The following GOLGA5 variants were observed in gnomAD, a reference collection of about 807,000 sequenced individuals.
GOLGA5 encodes the protein golgin A5, also known as golgin subfamily A member 5.
Under a neutral mutation model 93.5 loss-of-function variants are expected in GOLGA5, and 50 were observed. That is an observed-to-expected ratio of 0.53 (90% CI 0.43 to 0.68). GOLGA5 has a LOEUF of 0.68. Among genes scored for constraint, GOLGA5 ranks in the 30% least tolerant of loss-of-function variants. GOLGA5 has a pLI of 0.00. For synonymous variants in GOLGA5, 312 were observed against 304.5 expected (o/e 1.02, Z -0.26); for missense variants, 760 against 856.4 (o/e 0.89, Z 1.40).
intron 8 of GOLGA5, among the ~76,000 whole-genome samples, chr14:92,822,291 C>T (rs1251012031): frequency 6.6e-6 from 1 of 152,208 alleles, no homozygotes; most frequent in African/African-American, 2.4e-5. Context: ...AGTGTGCTGC[C>T]ATATCACCTT....
intron 2 of GOLGA5, among the ~76,000 whole-genome samples, chr14:92,803,186 C>G (rs984429442): frequency 5.3e-5 from 8 of 152,066 alleles, no homozygotes; most frequent in Non-Finnish European, 1.5e-5. Context: ...CAGGCACACA[C>G]CGCCATGCGT....
chr14:92,800,008 G>A (rs1482903321), intron 2 of GOLGA5, among the ~76,000 whole-genome samples: 1 of 152,170 alleles, frequency 6.6e-6, no homozygotes, highest in South Asian at 2.1e-4. Flanking sequence ...AATCTTTCTT[G>A]TATTTTCAAG....
chr14:92,821,228 T>C (rs1014320147), intron 8 of GOLGA5, among the ~76,000 whole-genome samples: 2 of 152,344 alleles, frequency 1.3e-5, no homozygotes, highest in East Asian at 3.9e-4. Flanking sequence ...CAGCAGTAAA[T>C]ATTATTTAAT....
chr14:92,797,181 A>G (rs1884752929), intron 1 of GOLGA5, among the ~76,000 whole-genome samples: 1 of 152,120 alleles, frequency 6.6e-6, no homozygotes, highest in Admixed American at 6.5e-5. Context: ...AGTGTTTTTT[A>G]TATATTATTT....
chr14:92,809,354 G>A lies in GOLGA5; in HGVS notation c.827G>A (p.Ser276Asn). Residue 276 changes from serine to asparagine, a missense_variant, in exon 4 of 13, where the codon AGT becomes AAT. Physicochemically the swap from Ser to Asn is conservative, Grantham distance 46 (BLOSUM62 1). Transcript: ENST00000163416. Reference protein sequence around the residue: ...VEKWNADHSKSDRMTRGLRAQ... With the variant: ...VEKWNADHSKNDRMTRGLRAQ... ...AAGTGGAATGCTGACCATTCAAAGA[G>A]TGATCGAATGACTCGAGGACTCCGA... The A allele has an allele frequency of 3.1e-6, 5 of 1,613,546 alleles. No homozygotes were observed. The highest frequency in any genetic ancestry group is 3.4e-6 in the Non-Finnish European group (4 of 1,179,486).
intron 9 of GOLGA5, among the ~76,000 whole-genome samples, chr14:92,830,787 G>A (rs1885515331): frequency 6.6e-6 from 1 of 152,050 alleles, no homozygotes; most frequent in Admixed American, 6.5e-5. Context: ...TTTTGTAGAG[G>A]TGGGGTCTTA....
chr14:92,809,656 T>A, intron 4 of GOLGA5, 137 bp downstream of exon 4: 1 of 650,270 alleles, frequency 1.5e-6, no homozygotes, highest in Non-Finnish European at 2.7e-6. Context: ...ATGTGTATGA[T>A]TAAAATGGAT....
chr14:92,835,298 C>T (rs139131540), intron 10 of GOLGA5, among the ~76,000 whole-genome samples: 18 of 152,272 alleles, frequency 1.2e-4, no homozygotes, highest in African/African-American at 2.4e-4. Context: ...CTCTTGTCAA[C>T]GCTTAGTATT....
At chr14:92,802,976 G>A (rs1884906738) in intron 2 of GOLGA5, among the ~76,000 whole-genome samples, 3 of 151,970 alleles carry the variant, frequency 2.0e-5, no homozygotes, top group South Asian at 4.2e-4. Context: ...TTAACTTTCA[G>A]TTTGCTAATA....
intron 2 of GOLGA5, among the ~76,000 whole-genome samples, chr14:92,806,524 G>C (rs1464476470): frequency 1.3e-5 from 2 of 152,042 alleles, no homozygotes; most frequent in African/African-American, 2.4e-5. Context: ...TGTTGGTCAG[G>C]CTGGTCTCAA....
chr14:92,805,932 A>G (rs1045453792), intron 2 of GOLGA5, among the ~76,000 whole-genome samples: 1 of 149,590 alleles, frequency 6.7e-6, no homozygotes. Flanking sequence ...ATCTGAATTC[A>G]TGTGTCTCTA....
chr14:92,821,420 CAG>C (rs1885315415), intron 8 of GOLGA5, among the ~76,000 whole-genome samples: 1 of 152,132 alleles, frequency 6.6e-6, no homozygotes, highest in Non-Finnish European at 1.5e-5. Context: ...TCAGTATTAA[CAG>C]AGTTAAACAT....
At chr14:92,825,859 AAAAAAAAG>A (rs1252729909) in intron 9 of GOLGA5, among the ~76,000 whole-genome samples, 3 of 150,902 alleles carry the variant, frequency 2.0e-5, no homozygotes, top group African/African-American at 7.3e-5. Context: ...CTGTCTCAAA[AAAAAAAAG>A]AAAAAACAAC....
At chr14:92,839,310 C>T in intron 12 of GOLGA5, 56 bp from the exon 13 acceptor site, 1 of 1,082,980 alleles carries the variant, frequency 9.2e-7, no homozygotes, top group Non-Finnish European at 1.4e-6. Flanking sequence ...GTACAGTGGG[C>T]CTTTGGTAAA....
intron 6 of GOLGA5, among the ~76,000 whole-genome samples, chr14:92,815,204 T>C (rs200925680): frequency 6.6e-6 from 1 of 152,232 alleles, no homozygotes; most frequent in Non-Finnish European, 1.5e-5. Flanking sequence ...TTACAGACTT[T>C]GTGTGCTTTT....
At chr14:92,820,893 A>C (rs912706048) in intron 8 of GOLGA5, among the ~76,000 whole-genome samples, 19 of 152,340 alleles carry the variant, frequency 1.2e-4, no homozygotes, top group African/African-American at 4.6e-4. Flanking sequence ...GCAATTGTTC[A>C]GGGTACAGGT....
At chr14:92,826,141 G>T (rs1275649998) in intron 9 of GOLGA5, among the ~76,000 whole-genome samples, 1 of 152,214 alleles carries the variant, frequency 6.6e-6, no homozygotes, top group Non-Finnish European at 1.5e-5. Context: ...GCAACAGAGA[G>T]AGACTTTGTT....
rs143307901 is a variant in GOLGA5 at position 92,809,214 on chromosome 14, A to G, written c.773-86A>G. 4.2e-4 allele frequency: 351 copies of G among 836,908 alleles called. 1 individual carries two copies. In the African/African-American group the frequency reaches 5.6e-3, roughly 13 times the overall value. The allele number at this position is 836,908 out of a possible 1,614,324, so 51.8% of individuals were successfully genotyped here. A position where few individuals can be genotyped will look rare whatever the true frequency, so the allele number is the denominator to read the frequency against. ...CAATTTTGTCAATAAGGAAAGTACT[A>G]AAGGCACTCAAAGTAGAAACTGTAC... On this transcript the variant is annotated intron_variant, in intron 3 of 12. Transcript: ENST00000163416.
chr14:92,807,333 ATAAACT>A (rs1885010836), intron 3 of GOLGA5, among the ~76,000 whole-genome samples: 1 of 147,732 alleles, frequency 6.8e-6, no homozygotes, highest in Non-Finnish European at 1.5e-5. Context: ...AAATAAAATA[ATAAACT>A]TAAAAACTTT....
Sources: gnomAD v4.1 joint callset for allele counts (sites outside exome capture counted in the v4.1 genomes callset) on GRCh38, gnomAD v4.1.1 for gene constraint, MANE v1.5 for transcripts, NCBI Gene and HGNC (gene_info 2026-07-23, HGNC 2026-07-21) for gene names.